Variants in ANO2 observed in about 807,000 individuals in gnomAD.
ANO2 encodes anoctamin-2.
Under a neutral mutation model 124.2 loss-of-function variants are expected in ANO2, and 101 were observed. The observed-to-expected ratio is 0.81, with a 90% CI of 0.69 to 0.96. The LOEUF is 0.96. ANO2 is among the 40% of genes least tolerant of loss of function. The pLI is 0.00. For missense variants in ANO2, 1,293 were observed against 1,274.5 expected (o/e 1.01, Z -0.22); for synonymous variants, 486 against 482.5 (o/e 1.01, Z -0.09).
intron 14 of ANO2, among the ~76,000 whole-genome samples, chr12:5,714,876 C>G (rs1401272614): frequency 1.3e-5 from 2 of 152,114 alleles, no homozygotes; most frequent in Non-Finnish European, 2.9e-5. Flanking sequence ...TCAAAGAGCC[C>G]TATCAGATTT....
chr12:5,732,901 A>T, intron 13 of ANO2: 1 of 1,613,888 alleles, frequency 6.2e-7, no homozygotes, highest in Non-Finnish European at 8.5e-7. Context: ...CGGTGTTGAG[A>T]AAAAGAGAGG....
intron 3 of ANO2, among the ~76,000 whole-genome samples, chr12:5,864,590 G>A (rs970510307): frequency 6.6e-5 from 10 of 152,216 alleles, no homozygotes; most frequent in Non-Finnish European, 1.3e-4. Flanking sequence ...CCAGGACACG[G>A]AGAGCACTTC....
chr12:5,587,139 A>G (rs1259702438), intron 20 of ANO2, among the ~76,000 whole-genome samples: 1 of 152,182 alleles, frequency 6.6e-6, no homozygotes, highest in East Asian at 1.9e-4. Flanking sequence ...TTCCTTCTTA[A>G]GAAAACATTC....
chr12:5,620,393 C>T (rs527307210), intron 16 of ANO2, among the ~76,000 whole-genome samples: 2 of 152,308 alleles, frequency 1.3e-5, no homozygotes, highest in African/African-American at 2.4e-5. Flanking sequence ...GAAAGCTAAG[C>T]GATCCTTTGG....
intron 19 of ANO2, among the ~76,000 whole-genome samples, chr12:5,608,079 C>G (rs1944307809): frequency 6.6e-6 from 1 of 152,058 alleles, no homozygotes; most frequent in Non-Finnish European, 1.5e-5. Flanking sequence ...CTTTGCCCTA[C>G]AGATGTGTTG....
chr12:5,649,789 CAT>C (rs759544050), intron 14 of ANO2, among the ~76,000 whole-genome samples: 38 of 75,034 alleles, frequency 5.1e-4, no homozygotes, highest in African/African-American at 9.4e-4. Context: ...TGCATGTGTG[CAT>C]GTGTGTGTGT....
At chr12:5,870,027 C>T (rs1417160150) in intron 3 of ANO2, among the ~76,000 whole-genome samples, 5 of 152,130 alleles carry the variant, frequency 3.3e-5, no homozygotes, top group Admixed American at 6.5e-5. Context: ...TCTCACTAAA[C>T]GTGTGTGTCT....
rs776006110 is a variant in ANO2, at chr12:5,615,256, G to C, written c.1858C>G (p.Leu620Val). Reference sequence around the variant, plus strand: ...ACAAACTTGAGCAAGAAAGCTTTGAGGATCAGGCGCTCTTCAAAAGTCTGT... The same window carrying C: ...ACAAACTTGAGCAAGAAAGCTTTGACGATCAGGCGCTCTTCAAAAGTCTGT... ...TEQTFEERLILKAFLLKFVNA... is the reference protein window; with the variant it reads ...TEQTFEERLIVKAFLLKFVNA... The change falls in exon 17 of 25, where the codon CTC (leucine) becomes GTC (valine). Residue 620 changes from leucine to valine, a missense_variant. Transcript: ENST00000682330. The C allele has an allele frequency of 1.2e-6, 2 of 1,613,688 alleles. No individual in the cohort carries two copies. The highest frequency in any genetic ancestry group is 2.2e-5 in the South Asian group (2 of 90,974).
chr12:5,920,973 G>T (rs868240767), intron 3 of ANO2, 67 bp downstream of exon 3: 4 of 1,515,232 alleles, frequency 2.6e-6, no homozygotes, highest in Non-Finnish European at 1.8e-6. Context: ...AGGTGGCACT[G>T]CTCACTAGGA....
chr12:5,724,364 A>C (rs3782637), intron 14 of ANO2, among the ~76,000 whole-genome samples: 20,980 of 152,090 alleles, frequency 0.14, 1,641 homozygotes, highest in Admixed American at 0.22. Flanking sequence ...AGGGAACTTC[A>C]TCTACTCAAA....
At chr12:5,576,238 CA>C (rs1471585587) in intron 22 of ANO2, among the ~76,000 whole-genome samples, 14 of 152,178 alleles carry the variant, frequency 9.2e-5, no homozygotes, top group Non-Finnish European at 1.8e-4. Context: ...GAGCACATGT[CA>C]ACCACTGCAG....
intron 3 of ANO2, among the ~76,000 whole-genome samples, chr12:5,885,241 G>A (rs1264748506): frequency 3.3e-5 from 5 of 152,230 alleles, no homozygotes; most frequent in African/African-American, 1.2e-4. Context: ...AGGAAGGAGT[G>A]AGGCTTTACA....
At position 5,563,344 on chromosome 12, in the gene ANO2, C is replaced by G; in HGVS notation, c.2952G>C (p.Gln984His). The G allele has an allele frequency of 1.9e-6, 3 of 1,604,430 alleles. No homozygotes were observed. Among genetic ancestry groups the G allele is most frequent in the Non-Finnish European group, 2.5e-6 (3 of 1,176,848 alleles). Residue 984 changes from glutamine to histidine, a missense_variant, in exon 25 of 25, where the codon CAG becomes CAC. Transcript: ENST00000682330. The part of the protein sequence containing the change: ...AASSAPSGQS[Q>H]LGSMMSSGSQ... ...AGCCTGACGACATCATGCTGCCCAG[C>G]TGGCTTTGGCCTGAAGGTGCTGAGC...
At chr12:5,701,403 C>T (rs953697408) in intron 14 of ANO2, among the ~76,000 whole-genome samples, 1 of 152,116 alleles carries the variant, frequency 6.6e-6, no homozygotes, top group Admixed American at 6.5e-5. Context: ...AAATTTACCC[C>T]ATTTTATCCA....
chr12:5,650,476 C>T (rs894356681), intron 14 of ANO2, among the ~76,000 whole-genome samples: 1 of 152,120 alleles, frequency 6.6e-6, no homozygotes, highest in African/African-American at 2.4e-5. Context: ...TCAGACACTC[C>T]CAACATAAGA....
intron 14 of ANO2, among the ~76,000 whole-genome samples, chr12:5,666,935 C>T (rs1286777233): frequency 6.6e-6 from 1 of 152,176 alleles, no homozygotes; most frequent in Non-Finnish European, 1.5e-5. Context: ...GGGCTGGTGA[C>T]TGAAGGTCAA....
intron 1 of ANO2, among the ~76,000 whole-genome samples, chr12:5,931,342 T>A (rs1482150768): frequency 1.3e-5 from 2 of 152,126 alleles, no homozygotes; most frequent in Non-Finnish European, 2.9e-5. Context: ...GGGGATGATA[T>A]ACGTGCAGTA....
At chr12:5,700,391 A>G (rs1201675064) in intron 14 of ANO2, among the ~76,000 whole-genome samples, 2 of 152,224 alleles carry the variant, frequency 1.3e-5, no homozygotes, top group Non-Finnish European at 2.9e-5. Context: ...TTTGAAACCA[A>G]TGAGAACAAA....
intron 10 of ANO2, among the ~76,000 whole-genome samples, chr12:5,756,859 T>C (rs1437708294): frequency 6.6e-6 from 1 of 152,160 alleles, no homozygotes; most frequent in Non-Finnish European, 1.5e-5. Flanking sequence ...TGTGGGAAAG[T>C]GGGTGGGTCT....
Sources: gnomAD v4.1 joint callset for allele counts (sites outside exome capture counted in the v4.1 genomes callset) on GRCh38, gnomAD v4.1.1 for gene constraint, MANE v1.5 for transcripts, NCBI Gene and HGNC (gene_info 2026-07-23, HGNC 2026-07-21) for gene names.